Variants in FBXW11 observed in about 807,000 individuals in gnomAD.
FBXW11 encodes F-box/WD repeat-containing protein 11.
Under a neutral mutation model 77.6 loss-of-function variants are expected in FBXW11, and 19 were observed. The ratio of observed to expected loss-of-function variants is 0.24; its 90% CI spans 0.17 to 0.36. FBXW11 has a LOEUF of 0.36. Ranked by LOEUF, FBXW11 falls within the 10% of genes least tolerant of loss-of-function variation. The pLI, the probability that FBXW11 is intolerant of heterozygous loss-of-function variation, is 1.00. For missense variants in FBXW11, 334 were observed against 704.2 expected, an observed-to-expected ratio of 0.47 and a Z score of 5.95; for synonymous variants, 235 against 249.4, an observed-to-expected ratio of 0.94 and a Z score of 0.54.
intron 1 of FBXW11, among the ~76,000 whole-genome samples, chr5:171,998,296 G>C (rs1450368061): frequency 1.4e-5 from 2 of 147,312 alleles, no homozygotes; most frequent in African/African-American, 2.6e-5. Context: ...AATTAACAAA[G>C]AGCCATGCAA....
intron 2 of FBXW11, among the ~76,000 whole-genome samples, chr5:171,915,305 G>T (rs951189950): frequency 7.2e-5 from 11 of 152,132 alleles, no homozygotes; most frequent in African/African-American, 2.7e-4. Flanking sequence ...GGATATTATA[G>T]ATCTATTTAA....
intron 1 of FBXW11, among the ~76,000 whole-genome samples, chr5:172,002,201 G>A (rs557955757): frequency 6.6e-6 from 1 of 152,250 alleles, no homozygotes; most frequent in South Asian, 2.1e-4. Context: ...TCTATGTAAT[G>A]GCTGAGTGAT....
chr5:171,959,141 G>C (rs1763767072), intron 1 of FBXW11, among the ~76,000 whole-genome samples: 1 of 151,608 alleles, frequency 6.6e-6, no homozygotes, highest in Non-Finnish European at 1.5e-5. Context: ...TACAAAATCA[G>C]AGGAACCAAA....
chr5:171,887,278 C>T (rs1476922025), intron 7 of FBXW11, among the ~76,000 whole-genome samples: 1 of 152,044 alleles, frequency 6.6e-6, no homozygotes, highest in Admixed American at 6.5e-5. Flanking sequence ...CAAACACTGC[C>T]ATACATATAG....
intron 2 of FBXW11, among the ~76,000 whole-genome samples, chr5:171,933,130 CAAAAAAAAAA>C (rs774171489): frequency 3.5e-4 from 13 of 36,800 alleles, no homozygotes. Flanking sequence ...GACCTTCTCT[CAAAAAAAAAA>C]AAAAAAAAAA....
At chr5:171,899,405 C>T (rs1271346229) in intron 5 of FBXW11, among the ~76,000 whole-genome samples, 2 of 152,174 alleles carry the variant, frequency 1.3e-5, no homozygotes, top group Non-Finnish European at 2.9e-5. Flanking sequence ...CATCAAACTT[C>T]CTCCCGTAAG....
At chr5:171,975,034 C>A (rs985425247) in intron 1 of FBXW11, among the ~76,000 whole-genome samples, 9 of 152,064 alleles carry the variant, frequency 5.9e-5, no homozygotes, top group African/African-American at 2.2e-4. Context: ...CCTCAAGTGA[C>A]CCACCCGCCT....
Position 171,878,052 on chromosome 5 carries a change from A to G in FBXW11, c.930T>C (p.Asp310=). ...AAGAGCCAGTTACAATGACACGCTC[A>G]TCATACTGCAGACAGAGGACAGAGC... The part of the protein sequence containing the change: ...HTGSVLCLQY[D]ERVIVTGSSD... The change falls in exon 8 of 14, where the codon GAT becomes GAC. Residue 310 remains aspartate, a synonymous_variant. Coordinates refer to ENST00000517395, the MANE Select transcript of FBXW11 (RefSeq NM_001378974.1). 6.2e-7 allele frequency: 1 copy of G among 1,614,076 alleles called. No homozygotes were observed. The highest frequency in any genetic ancestry group is 1.3e-5 in the African/African-American group (1 of 75,066).
intron 2 of FBXW11, among the ~76,000 whole-genome samples, chr5:171,927,694 A>AT (rs1761965229): frequency 6.6e-6 from 1 of 152,156 alleles, no homozygotes; most frequent in Non-Finnish European, 1.5e-5. Context: ...CTACGTTTTC[A>AT]TTTTTAAGGG....
chr5:171,983,717 C>T (rs768801127), intron 1 of FBXW11, among the ~76,000 whole-genome samples: 14 of 152,154 alleles, frequency 9.2e-5, no homozygotes, highest in Non-Finnish European at 1.5e-4. Flanking sequence ...AGAGGAAAAA[C>T]ATGGTTTGAG....
intron 4 of FBXW11, among the ~76,000 whole-genome samples, chr5:171,905,602 T>TCCCCCCCCC (rs766171553): frequency 2.3e-5 from 1 of 43,830 alleles, no homozygotes; most frequent in African/African-American, 5.4e-5. Flanking sequence ...CCCCCCCCTT[T>TCCCCCCCCC]ATTTTCTTGG....
At chr5:171,955,669 T>C (rs774197534) in intron 2 of FBXW11, among the ~76,000 whole-genome samples, 1 of 152,186 alleles carries the variant, frequency 6.6e-6, no homozygotes, top group Non-Finnish European at 1.5e-5. Flanking sequence ...GATTTGCTAA[T>C]GCCAATGAGC....
intron 1 of FBXW11, among the ~76,000 whole-genome samples, chr5:171,964,517 G>C (rs541277260): frequency 6.6e-6 from 1 of 152,350 alleles, no homozygotes; most frequent in South Asian, 2.1e-4. Flanking sequence ...AAGCATTAAA[G>C]TTAACCCAAC....
At chr5:171,989,545 A>C (rs1379154697) in intron 1 of FBXW11, among the ~76,000 whole-genome samples, 2 of 152,280 alleles carry the variant, frequency 1.3e-5, no homozygotes, top group Non-Finnish European at 2.9e-5. Flanking sequence ...GAGCTAGAGA[A>C]ACCAGTTAAA....
intron 1 of FBXW11, among the ~76,000 whole-genome samples, chr5:171,975,289 G>A (rs138729522): frequency 8.9e-4 from 135 of 152,340 alleles, no homozygotes; most frequent in African/African-American, 3.0e-3. Flanking sequence ...GAACAAGGAA[G>A]GGAAGGAACA....
chr5:171,932,328 A>G (rs1420312558), intron 2 of FBXW11, among the ~76,000 whole-genome samples: 1 of 152,254 alleles, frequency 6.6e-6, no homozygotes, highest in Non-Finnish European at 1.5e-5. Flanking sequence ...TCAGGTAAAT[A>G]CAAATTAAAA....
intron 2 of FBXW11, among the ~76,000 whole-genome samples, chr5:171,928,385 A>G (rs1300764362): frequency 6.6e-6 from 1 of 152,242 alleles, no homozygotes; most frequent in African/African-American, 2.4e-5. Flanking sequence ...TTGCGTAAGT[A>G]GCAAAATCAA....
At chr5:171,960,749 C>T (rs1206870996) in intron 1 of FBXW11, among the ~76,000 whole-genome samples, 1 of 152,100 alleles carries the variant, frequency 6.6e-6, no homozygotes, top group Non-Finnish European at 1.5e-5. Context: ...GGCTTTTTAA[C>T]CATTTAATGA....
chr5:171,913,869 ACACAC>A (rs1233842242), intron 3 of FBXW11, among the ~76,000 whole-genome samples: 1 of 150,636 alleles, frequency 6.6e-6, no homozygotes, highest in African/African-American at 2.5e-5. Context: ...ACACACACAC[ACACAC>A]AACCTGGGAA....
Sources: allele counts gnomAD v4.1 joint callset (sites outside exome capture counted in the v4.1 genomes callset), GRCh38; gene constraint gnomAD v4.1.1; transcripts MANE v1.5; gene names NCBI Gene and HGNC (gene_info 2026-07-23, HGNC 2026-07-21).